JCHAIN: variants seen among roughly 807,000 people sequenced by gnomAD.
JCHAIN encodes the protein joining chain of multimeric IgA and IgM, also known as immunoglobulin J chain.
A neutral mutation model predicts 11.1 loss-of-function variants in JCHAIN; 5 were observed. That is an observed-to-expected ratio of 0.45 (90% CI 0.24 to 0.95). The LOEUF is 0.95. Among genes scored for constraint, JCHAIN ranks in the 40% least tolerant of loss-of-function variants. The pLI, the probability that JCHAIN is intolerant of heterozygous loss-of-function variation, is 0.21. For missense variants in JCHAIN, 165 were observed against 192.7 expected, an observed-to-expected ratio of 0.86 and a Z score of 0.85; for synonymous variants, 51 against 67.8, an observed-to-expected ratio of 0.75 and a Z score of 1.22.
chr4:70,656,068 G>A lies in JCHAIN; in HGVS notation c.*261C>T, dbSNP rs1041676119. On this transcript the variant is annotated 3_prime_UTR_variant, in exon 4 of 4. Transcript: ENST00000254801. Reference sequence around the variant, plus strand: ...AATGCTAGAAACTGTATTCCTAAGAGAGCATACCTCTTTCAGGTGAGCATG... The same window carrying A: ...AATGCTAGAAACTGTATTCCTAAGAAAGCATACCTCTTTCAGGTGAGCATG... 18 of 387,476 alleles carry A rather than the reference G, an allele frequency of 4.6e-5. No homozygotes were observed. In the Admixed American group the frequency reaches 6.3e-4, roughly 14 times the overall value. The allele number at this position is 387,476 out of a possible 1,614,324, so 24.0% of individuals were successfully genotyped here.
intron 1 of JCHAIN, among the ~76,000 whole-genome samples, chr4:70,662,421 G>T (rs1477761631): frequency 6.6e-6 from 1 of 152,022 alleles, no homozygotes; most frequent in African/African-American, 2.4e-5. Context: ...CTTTTTTCTT[G>T]AACCAGTCTA....
At chr4:70,664,367 A>T (rs1739113668) in intron 1 of JCHAIN, among the ~76,000 whole-genome samples, 1 of 152,134 alleles carries the variant, frequency 6.6e-6, no homozygotes, top group Non-Finnish European at 1.5e-5. Context: ...AATTCAAGTT[A>T]TAAAGTTTAA....
In JCHAIN at chr4:70,656,394, C is replaced by T. The variant is rs748984740; in HGVS notation, c.415G>A (p.Val139Ile). ...ACCATTTTGGTCTCACCACCATATA[C>T]GAGTGGGACCACAGCTGTGTAGCAC... Reference protein sequence around the residue: ...NKCYTAVVPLVYGGETKMVET... With the variant: ...NKCYTAVVPLIYGGETKMVET... Residue 139 changes from valine to isoleucine, a missense_variant, in exon 4 of 4, where the codon GTA (valine) becomes ATA (isoleucine). Coordinates refer to ENST00000254801, the MANE Select transcript of JCHAIN (RefSeq NM_144646.4). 2.5e-6 allele frequency: 4 copies of T among 1,613,930 alleles called. No individual in the cohort carries two copies. Among genetic ancestry groups the T allele is most frequent in the African/African-American group, 1.3e-5 (1 of 74,930 alleles).
intron 3 of JCHAIN, among the ~76,000 whole-genome samples, chr4:70,656,964 G>A (rs1738961770): frequency 2.0e-5 from 3 of 152,118 alleles, no homozygotes; most frequent in South Asian, 4.1e-4. Flanking sequence ...AGAGAAATTG[G>A]CCTTTCTATG....
chr4:70,656,649 A>C, intron 3 of JCHAIN, 110 bp from the exon 4 acceptor site: 1 of 742,192 alleles, frequency 1.3e-6, no homozygotes, highest in Non-Finnish European at 2.3e-6. Context: ...CATGACAGCA[A>C]GGGATGACTC....
At chr4:70,662,767 T>C (rs1416880280) in intron 1 of JCHAIN, among the ~76,000 whole-genome samples, 1 of 152,076 alleles carries the variant, frequency 6.6e-6, no homozygotes, top group Admixed American at 6.5e-5. Flanking sequence ...AAGACCGGCC[T>C]GGCCAACATA....
chr4:70,658,551 T>G (rs763337438), intron 2 of JCHAIN, among the ~76,000 whole-genome samples: 1 of 152,166 alleles, frequency 6.6e-6, no homozygotes, highest in East Asian at 1.9e-4. Context: ...TTCTAACATA[T>G]AATACTGGTT....
intron 2 of JCHAIN, among the ~76,000 whole-genome samples, chr4:70,660,917 T>C (rs542550434): frequency 6.6e-6 from 1 of 152,320 alleles, no homozygotes; most frequent in South Asian, 2.1e-4. Flanking sequence ...ATATAAGCTC[T>C]AAAAGGAATA....
chr4:70,657,445 A>T (rs1294658685), intron 2 of JCHAIN, among the ~76,000 whole-genome samples, 154 bp from the exon 3 acceptor site: 1 of 152,216 alleles, frequency 6.6e-6, no homozygotes, highest in Non-Finnish European at 1.5e-5. Flanking sequence ...TCAGATTTTT[A>T]TAGTAACTTG....
chr4:70,664,697 G>A (rs1264245460), intron 1 of JCHAIN, among the ~76,000 whole-genome samples: 3 of 152,252 alleles, frequency 2.0e-5, no homozygotes, highest in Admixed American at 2.0e-4. Flanking sequence ...TCCTACTTGT[G>A]TATCCATGAC....
At chr4:70,660,803 T>C (rs951604390) in intron 2 of JCHAIN, among the ~76,000 whole-genome samples, 3 of 152,174 alleles carry the variant, frequency 2.0e-5, no homozygotes, top group South Asian at 2.1e-4. Flanking sequence ...AAGGTCAATG[T>C]TGGGGAAACC....
chr4:70,656,290 T>C lies in JCHAIN; in HGVS notation c.*39A>G. ...ACTTTCTGAATCAAAATGGAGAGCC[T>C]CTCAAGAAAAAGAGCTATGCAGTCA... is the stretch of plus-strand genomic sequence containing the variant. On this transcript the variant is annotated 3_prime_UTR_variant, in exon 4 of 4. Coordinates refer to ENST00000254801, the MANE Select transcript of JCHAIN (RefSeq NM_144646.4). 3.0e-6 allele frequency: 4 copies of C among 1,353,956 alleles called. No homozygotes were observed. The highest frequency in any genetic ancestry group is 4.2e-6 in the Non-Finnish European group (4 of 948,966). 83.9% of individuals were successfully genotyped at this position (1,353,956 alleles called of 1,614,324 possible). A position where few individuals can be genotyped will look rare whatever the true frequency, so the allele number is the denominator to read the frequency against.
intron 3 of JCHAIN, 45 bp downstream of exon 3, chr4:70,657,166 A>G (rs1738965211): frequency 1.0e-6 from 1 of 999,630 alleles, no homozygotes; most frequent in Non-Finnish European, 1.6e-6. Flanking sequence ...ATTAAAAGCT[A>G]TTAACTTCCA....
intron 1 of JCHAIN, among the ~76,000 whole-genome samples, chr4:70,665,429 A>G (rs926357664): frequency 3.3e-5 from 5 of 152,138 alleles, no homozygotes; most frequent in African/African-American, 1.2e-4. Context: ...TTATATACAG[A>G]TGGTCCCCAA....
intron 2 of JCHAIN, 60 bp from the exon 3 acceptor site, chr4:70,657,351 G>A (rs114837274): frequency 2.9e-5 from 30 of 1,049,458 alleles, no homozygotes; most frequent in Admixed American, 5.2e-5. Context: ...GTTATTTTTG[G>A]TAATGAGTAT....
chr4:70,660,515 C>T (rs185728664), intron 2 of JCHAIN, among the ~76,000 whole-genome samples: 1 of 151,864 alleles, frequency 6.6e-6, no homozygotes, highest in African/African-American at 2.4e-5. Flanking sequence ...TCCCGAGTAG[C>T]TGGGATTACA....
At chr4:70,663,812 C>T (rs143195206) in intron 1 of JCHAIN, among the ~76,000 whole-genome samples, 2,009 of 151,342 alleles carry the variant, frequency 0.013, 52 homozygotes, top group African/African-American at 0.047. Context: ...CCACCCTCCT[C>T]GGCCTCCCAA....
intron 2 of JCHAIN, among the ~76,000 whole-genome samples, chr4:70,660,261 C>T (rs905574162): frequency 1.3e-5 from 2 of 151,566 alleles, no homozygotes; most frequent in Non-Finnish European, 2.9e-5. Context: ...AAGACATGCA[C>T]ATTGAGAAGG....
intron 1 of JCHAIN, among the ~76,000 whole-genome samples, chr4:70,664,326 C>T (rs1376277389): frequency 1.3e-5 from 2 of 151,622 alleles, no homozygotes; most frequent in African/African-American, 2.4e-5. Context: ...TCTCATTAAG[C>T]CTCAACTAAA....
Sources: allele counts gnomAD v4.1 joint callset (sites outside exome capture counted in the v4.1 genomes callset), GRCh38; gene constraint gnomAD v4.1.1; transcripts MANE v1.5; gene names NCBI Gene and HGNC (gene_info 2026-07-23, HGNC 2026-07-21).